SAV1: variants seen among roughly 807,000 people sequenced by gnomAD.
SAV1 encodes salvador family WW domain containing protein 1, also known as protein salvador homolog 1.
Under a neutral mutation model 47.3 loss-of-function variants are expected in SAV1, and 23 were observed. The observed-to-expected ratio is 0.49, with a 90% CI of 0.35 to 0.69. The LOEUF is 0.69. Ranked by LOEUF, SAV1 falls within the 30% of genes least tolerant of loss-of-function variation. The pLI, the probability that SAV1 is intolerant of heterozygous loss-of-function variation, is 0.01. For synonymous variants in SAV1, 155 were observed against 159.2 expected, an observed-to-expected ratio of 0.97 and a Z score of 0.20; for missense variants, 448 against 457.4, an observed-to-expected ratio of 0.98 and a Z score of 0.19.
At chr14:50,641,072 A>G (rs569717771) in intron 3 of SAV1, among the ~76,000 whole-genome samples, 179 bp from the exon 4 acceptor site, 15 of 152,332 alleles carry the variant, frequency 9.8e-5, no homozygotes, top group Admixed American at 2.6e-4. Context: ...AGTCTTTTCA[A>G]AAACAGGTTC....
At chr14:50,650,296 T>C (rs561122611) in intron 2 of SAV1, among the ~76,000 whole-genome samples, 1 of 152,352 alleles carries the variant, frequency 6.6e-6, no homozygotes, top group African/African-American at 2.4e-5. Context: ...ATGATTACAC[T>C]ATTACACGCA....
chr14:50,654,601 A>G (rs2039796848), intron 2 of SAV1, among the ~76,000 whole-genome samples: 2 of 152,382 alleles, frequency 1.3e-5, no homozygotes, highest in South Asian at 4.1e-4. Flanking sequence ...GATGTGACAC[A>G]GAGACATGAA....
chr14:50,665,456 C>G lies in SAV1; in HGVS notation c.258G>C (p.Met86Ile), dbSNP rs770972030. The G allele has an allele frequency of 3.7e-6, 6 of 1,613,806 alleles. No individual in the cohort carries two copies. The South Asian group carries it at 6.6e-5, about 18-fold the overall frequency. ...CAGATAATCTGTTGCTTTCTCTTCT[C>G]ATTATTTCATGAGGTGTTCTTTGAA... ...TPIQRTPHEI[M>I]RRESNRLSAP... Residue 86 changes from methionine to isoleucine, a missense_variant, in exon 2 of 5, where the codon ATG (methionine) becomes ATC (isoleucine). Coordinates refer to ENST00000324679, the MANE Select transcript of SAV1 (RefSeq NM_021818.4).
intron 2 of SAV1, among the ~76,000 whole-genome samples, chr14:50,651,557 A>G (rs1231997802): frequency 2.0e-5 from 3 of 152,264 alleles, no homozygotes; most frequent in African/African-American, 7.2e-5. Context: ...AAACAAATCT[A>G]AGAGTACATG....
At chr14:50,654,543 A>G (rs1457414413) in intron 2 of SAV1, among the ~76,000 whole-genome samples, 1 of 152,250 alleles carries the variant, frequency 6.6e-6, no homozygotes, top group East Asian at 1.9e-4. Flanking sequence ...ACAGATCACC[A>G]TAACAGGCAG....
At position 50,635,199 on chromosome 14, in the gene SAV1, T is replaced by C; in HGVS notation, c.1136A>G (p.His379Arg). Residue 379 changes from histidine to arginine, a missense_variant, in exon 5 of 5, where the codon CAT becomes CGT. By Grantham distance (29) the His-to-Arg change is conservative. Coordinates refer to ENST00000324679, the MANE Select transcript of SAV1 (RefSeq NM_021818.4). ...KQRQQWYAQQ[H>R]GKNF The stretch of plus-strand genomic sequence containing the variant: ...AAAATCAGCTCAAAAATTTTTTCCA[T>C]GTTGTTGGGCATACCACTGCTGTCT... 6.2e-7 allele frequency: 1 copy of C among 1,612,922 alleles called. No individual in the cohort carries two copies. The highest frequency in any genetic ancestry group is 8.5e-7 in the Non-Finnish European group (1 of 1,179,700).
chr14:50,644,195 AAGCAGATCTACCC>A (rs1483271200), intron 3 of SAV1, among the ~76,000 whole-genome samples: 1 of 152,212 alleles, frequency 6.6e-6, no homozygotes, highest in Non-Finnish European at 1.5e-5. Context: ...TCTGGCAACA[AAGCAGATCTACCC>A]AGCCCAGTAT....
chr14:50,663,427 C>T (rs1027145739), intron 2 of SAV1, among the ~76,000 whole-genome samples: 4 of 152,102 alleles, frequency 2.6e-5, no homozygotes, highest in Non-Finnish European at 5.9e-5. Flanking sequence ...TCAGAAATAA[C>T]CAAAATAAAC....
At chr14:50,644,709 G>A (rs758761682) in intron 3 of SAV1, 35 bp downstream of exon 3, 43 of 1,577,588 alleles carry the variant, frequency 2.7e-5, no homozygotes, top group South Asian at 1.0e-4. Context: ...AGACAATCCC[G>A]AAACAAAAAG....
At chr14:50,666,951 G>C (rs1165582613) in intron 1 of SAV1, among the ~76,000 whole-genome samples, 4 of 152,086 alleles carry the variant, frequency 2.6e-5, no homozygotes, top group Admixed American at 2.6e-4. Context: ...GCAAATACTA[G>C]AAACCTAACT....
At chr14:50,667,659 G>C (rs538151468) in intron 1 of SAV1, among the ~76,000 whole-genome samples, 2 of 150,890 alleles carry the variant, frequency 1.3e-5, no homozygotes, top group Non-Finnish European at 3.0e-5. Flanking sequence ...GTGCTCTTGG[G>C]GGGGTTAGGC....
intron 3 of SAV1, among the ~76,000 whole-genome samples, chr14:50,643,688 C>A (rs1409082799): frequency 6.6e-6 from 1 of 152,188 alleles, no homozygotes; most frequent in Non-Finnish European, 1.5e-5. Flanking sequence ...TTGATTCTTT[C>A]AAAGGACAAC....
At chr14:50,639,244 G>GT (rs2039661591) in intron 4 of SAV1, among the ~76,000 whole-genome samples, 2 of 152,204 alleles carry the variant, frequency 1.3e-5, no homozygotes, top group Admixed American at 1.3e-4. Context: ...GTAAATTACT[G>GT]TGAGAGATAG....
intron 2 of SAV1, among the ~76,000 whole-genome samples, chr14:50,656,871 G>A (rs1287862259): frequency 5.3e-5 from 8 of 152,056 alleles, no homozygotes; most frequent in Non-Finnish European, 1.2e-4. Flanking sequence ...AAAGCATAAA[G>A]CATTACCAAA....
chr14:50,659,279 T>C (rs1490541603), intron 2 of SAV1, among the ~76,000 whole-genome samples: 2 of 152,324 alleles, frequency 1.3e-5, no homozygotes, highest in East Asian at 3.9e-4. Flanking sequence ...TGTGTTCCAA[T>C]AAAACTACTG....
At chr14:50,657,314 T>G (rs534048697) in intron 2 of SAV1, among the ~76,000 whole-genome samples, 1 of 152,320 alleles carries the variant, frequency 6.6e-6, no homozygotes, top group Admixed American at 6.5e-5. Context: ...AAATACTCAC[T>G]CTTACAAAGG....
chr14:50,644,885 G>C lies in SAV1; in HGVS notation c.665C>G (p.Thr222Arg), dbSNP rs1332076619. 1.2e-6 allele frequency: 2 copies of C among 1,614,100 alleles called. No homozygotes were observed. Among genetic ancestry groups the C allele is most frequent in the Non-Finnish European group, 1.7e-6 (2 of 1,180,022 alleles). Residue 222 changes from threonine to arginine, a missense_variant, in exon 3 of 5, where the codon ACA (threonine) becomes AGA (arginine). By Grantham distance (71) the Thr-to-Arg change is moderately conservative. Transcript: ENST00000324679. ...RGRKYYIDHNTNTTHWSHPLE... is the reference protein window; with the variant it reads ...RGRKYYIDHNRNTTHWSHPLE... ...AGGATGGCTCCAGTGAGTTGTATTTGTGTTATGATCTATATAATATTTTCT... is the reference window on the plus strand; with the variant it reads ...AGGATGGCTCCAGTGAGTTGTATTTCTGTTATGATCTATATAATATTTTCT...
intron 2 of SAV1, among the ~76,000 whole-genome samples, chr14:50,658,184 A>C (rs1453439651): frequency 6.6e-6 from 1 of 152,208 alleles, no homozygotes; most frequent in Admixed American, 6.5e-5. Context: ...TGGTTACACA[A>C]ATATTTACAC....
intron 2 of SAV1, among the ~76,000 whole-genome samples, chr14:50,655,043 T>C (rs2039800871): frequency 6.6e-6 from 1 of 152,196 alleles, no homozygotes; most frequent in Admixed American, 6.5e-5. Flanking sequence ...AAAACAAGCC[T>C]TTTGGTGAAA....
Sources: allele counts gnomAD v4.1 joint callset (sites outside exome capture counted in the v4.1 genomes callset), GRCh38; gene constraint gnomAD v4.1.1; transcripts MANE v1.5; gene names NCBI Gene and HGNC (gene_info 2026-07-23, HGNC 2026-07-21).